The following C12orf42 variants were observed in gnomAD, a reference collection of about 807,000 sequenced individuals.
The protein encoded by C12orf42 is chromosome 12 open reading frame 42, also known as uncharacterized protein C12orf42.
Under a neutral mutation model 21.6 loss-of-function variants are expected in C12orf42, and 25 were observed. That is an observed-to-expected ratio of 1.16 (90% CI 0.84 to 1.62). C12orf42 has a LOEUF of 1.62. Ranked by LOEUF, C12orf42 falls within the 40% of genes most tolerant of loss-of-function variation. The pLI, the probability that C12orf42 is intolerant of heterozygous loss-of-function variation, is 0.00. For synonymous variants in C12orf42, 174 were observed against 175.0 expected, an observed-to-expected ratio of 0.99 and a Z score of 0.05; for missense variants, 483 against 459.3, an observed-to-expected ratio of 1.05 and a Z score of -0.47.
chr12:103,071,518 A>T, the C12orf42 span, among the ~76,000 whole-genome samples: 1,760 of 152,200 alleles, frequency 0.012, 38 homozygotes, highest in African/African-American at 0.04. Flanking sequence ...TCTCACCTTG[A>T]ATTGTAATAA....
At chr12:103,515,313 T>C in the C12orf42 span, among the ~76,000 whole-genome samples, 1 of 152,346 alleles carries the variant, frequency 6.6e-6, no homozygotes, top group East Asian at 1.9e-4. Context: ...AAATGCATAG[T>C]GACCTGTGCT....
chr12:103,176,627 A>G, the C12orf42 span, among the ~76,000 whole-genome samples: 22 of 152,306 alleles, frequency 1.4e-4, no homozygotes, highest in African/African-American at 5.3e-4. Context: ...TGCAATAAGG[A>G]AACTGAGGCA....
At chr12:103,560,852 T>C in the C12orf42 span, among the ~76,000 whole-genome samples, 1 of 152,206 alleles carries the variant, frequency 6.6e-6, no homozygotes, top group Non-Finnish European at 1.5e-5. Context: ...CAGTATATGG[T>C]GCCATCTCAA....
chr12:103,287,031 G>A (rs1035824465), intron 4 of C12orf42, among the ~76,000 whole-genome samples: 109 of 152,034 alleles, frequency 7.2e-4, no homozygotes, highest in Middle Eastern at 3.4e-3. Context: ...TTAGAATGGC[G>A]ATCATTAAAA....
the C12orf42 span, among the ~76,000 whole-genome samples, chr12:103,062,993 C>T: frequency 6.6e-6 from 1 of 152,142 alleles, no homozygotes; most frequent in Non-Finnish European, 1.5e-5. Flanking sequence ...ATGGAGAACA[C>T]TGATAGTCCT....
intron 4 of C12orf42, among the ~76,000 whole-genome samples, chr12:103,332,360 C>A (rs2041311162): frequency 6.6e-6 from 1 of 152,150 alleles, no homozygotes; most frequent in Non-Finnish European, 1.5e-5. Flanking sequence ...CAGGGTGGTA[C>A]AATTGGGTGT....
chr12:103,554,515 G>A, the C12orf42 span, among the ~76,000 whole-genome samples: 1 of 152,034 alleles, frequency 6.6e-6, no homozygotes, highest in African/African-American at 2.4e-5. Context: ...GTCCATTTGG[G>A]GGTGCATTAG....
intron 1 of C12orf42, among the ~76,000 whole-genome samples, chr12:103,494,412 T>C (rs576292902): frequency 1.8e-4 from 28 of 152,364 alleles, no homozygotes; most frequent in Middle Eastern, 6.8e-3. Context: ...TGTGACCCTG[T>C]ATTGTCCCAA....
intron 1 of C12orf42, among the ~76,000 whole-genome samples, chr12:103,481,983 G>C (rs1954505199): frequency 6.6e-6 from 1 of 151,756 alleles, no homozygotes; most frequent in South Asian, 2.1e-4. Context: ...AATAAAACAA[G>C]GTTCTTTAAC....
chr12:103,196,320 C>T, the C12orf42 span, among the ~76,000 whole-genome samples: 2 of 151,992 alleles, frequency 1.3e-5, no homozygotes, highest in Admixed American at 1.3e-4. Flanking sequence ...GTTTTGTGTT[C>T]TTTTGAATTT....
intron 10 of C12orf42, among the ~76,000 whole-genome samples, chr12:103,250,039 T>C (rs1270431096): frequency 6.6e-6 from 1 of 150,898 alleles, no homozygotes; most frequent in East Asian, 1.9e-4. Flanking sequence ...ATTTTTCCAC[T>C]TTTAAGAAAT....
chr12:103,234,114 C>T (rs888004402), downstream of C12orf42, among the ~76,000 whole-genome samples: 5 of 152,128 alleles, frequency 3.3e-5, no homozygotes, highest in Non-Finnish European at 1.5e-5. Flanking sequence ...TTGCATTAAT[C>T]GATTTTTGAA....
chr12:103,460,778 A>G (rs1952647589), intron 2 of C12orf42, among the ~76,000 whole-genome samples: 1 of 152,204 alleles, frequency 6.6e-6, no homozygotes, highest in Non-Finnish European at 1.5e-5. Context: ...CTAAATATGC[A>G]TGTGTGAGCA....
the C12orf42 span, among the ~76,000 whole-genome samples, chr12:103,177,879 G>A: frequency 2.3e-5 from 3 of 131,266 alleles, no homozygotes; most frequent in East Asian, 4.5e-4. Flanking sequence ...GTGTGTGCGC[G>A]CGCGCTAACA....
the C12orf42 span, among the ~76,000 whole-genome samples, chr12:103,131,935 G>A: frequency 6.6e-6 from 1 of 152,114 alleles, no homozygotes; most frequent in Non-Finnish European, 1.5e-5. Context: ...GTTGGTTGGG[G>A]TAGTGGTGGT....
the C12orf42 span, among the ~76,000 whole-genome samples, chr12:103,187,592 A>G: frequency 6.6e-6 from 1 of 152,326 alleles, no homozygotes; most frequent in South Asian, 2.1e-4. Context: ...TTTCATATCA[A>G]TGAGAATGAG....
the C12orf42 span, among the ~76,000 whole-genome samples, chr12:103,066,880 C>T: frequency 1.1e-4 from 16 of 152,296 alleles, no homozygotes; most frequent in East Asian, 3.1e-3. Context: ...TAAAATGACC[C>T]ATTCTGTGGG....
At chr12:103,556,843 T>C in the C12orf42 span, among the ~76,000 whole-genome samples, 1 of 151,030 alleles carries the variant, frequency 6.6e-6, no homozygotes, top group African/African-American at 2.4e-5. Context: ...AGTCCAATGG[T>C]AAGTGTCCTT....
At chr12:103,421,381 G>T (rs2049887086) in intron 2 of C12orf42, among the ~76,000 whole-genome samples, 1 of 152,186 alleles carries the variant, frequency 6.6e-6, no homozygotes, top group South Asian at 2.1e-4. Flanking sequence ...ACCAGCATGG[G>T]CAACATCAGG....
Sources: gnomAD v4.1 joint callset for allele counts (sites outside exome capture counted in the v4.1 genomes callset) on GRCh38, gnomAD v4.1.1 for gene constraint, MANE v1.5 for transcripts, NCBI Gene and HGNC (gene_info 2026-07-23, HGNC 2026-07-21) for gene names.